The following TBL1X variants were observed in gnomAD, a reference collection of about 807,000 sequenced individuals.
TBL1X encodes the protein transducin beta like 1 X-linked.
Under a neutral mutation model 50.7 loss-of-function variants are expected in TBL1X, and 10 were observed. That is an observed-to-expected ratio of 0.20 (90% confidence interval 0.12 to 0.33). TBL1X has a LOEUF of 0.33. TBL1X is among the 10% of genes least tolerant of loss of function. The pLI, the probability that TBL1X is intolerant of heterozygous loss-of-function variation, is 1.00. For synonymous variants in TBL1X, 190 were observed against 214.7 expected, an observed-to-expected ratio of 0.88 and a Z score of 1.01; for missense variants, 340 against 504.4, an observed-to-expected ratio of 0.67 and a Z score of 3.12.
chrX:9,621,666 C>T lies in TBL1X; in HGVS notation c.-130-18607C>T, dbSNP rs1311267918. Among the ~76,000 whole-genome samples the T allele has an allele frequency of 5.3e-5, 6 of 112,177 alleles. No individual in the cohort carries two copies. The South Asian group carries it at 1.1e-3, about 21-fold the overall frequency. ...CAACCACAAGCACAGTCCTGAACAT[C>T]GTATAACAGCATCATTTGTTAATTT... On this transcript the variant is annotated intron_variant, in intron 2 of 17. Transcript: ENST00000645353.
intron 2 of TBL1X, chrX:9,636,738 C>A (rs766506325): frequency 4.8e-4 from 54 of 112,518 alleles, no homozygotes; most frequent in African/African-American, 1.7e-3. Context: ...AAAGAAGAGT[C>A]TCTCAGTGCT....
intron 2 of TBL1X, among the ~76,000 whole-genome samples, chrX:9,513,427 A>G (rs999327027): frequency 1.8e-5 from 2 of 111,552 alleles, no homozygotes; most frequent in African/African-American, 6.5e-5. Flanking sequence ...TTTCTGCCTT[A>G]GTTACCTCTT....
At chrX:9,709,499 C>T (rs1258892913) in intron 14 of TBL1X, 134 bp from the exon 15 acceptor site, 1 of 1,031,786 alleles carries the variant, frequency 9.7e-7, no homozygotes, top group African/African-American at 1.9e-5. Context: ...CGCAGCCTCC[C>T]TGCAGCCTTT....
intron 3 of TBL1X, chrX:9,645,435 C>T (rs2082798960): frequency 8.9e-6 from 1 of 112,027 alleles, no homozygotes; most frequent in South Asian, 3.7e-4. Context: ...GAAAGATACA[C>T]ATGCAATTGG....
In TBL1X at chrX:9,527,102, C is replaced by CAA. The variant is rs1453438472; in HGVS notation, c.-131+25255_-131+25256dup. 2.7e-5 allele frequency among the ~76,000 whole-genome samples: 3 copies of CAA among 112,258 alleles called. No homozygotes were observed. The East Asian group carries it at 8.4e-4, about 32-fold the overall frequency. On this transcript the variant is annotated intron_variant, in intron 2 of 17. Transcript: ENST00000645353. Reference sequence around the variant, plus strand: ...GAGGATCGCCGTGGATCACACAGGACAAAGGAGGTCCTGACCTGTCCACCC... The same window carrying CAA: ...GAGGATCGCCGTGGATCACACAGGACAAAAAGGAGGTCCTGACCTGTCCACCC...
At chrX:9,501,917 C>T (rs1388264241) in intron 2 of TBL1X, 68 bp downstream of exon 2, 2 of 111,067 alleles carry the variant, frequency 1.8e-5, no homozygotes, top group African/African-American at 6.6e-5. Context: ...TTCCTCCCCT[C>T]CGCCCTCCGC....
At chrX:9,581,542 G>T (rs1250769049) in intron 2 of TBL1X, among the ~76,000 whole-genome samples, 1 of 111,913 alleles carries the variant, frequency 8.9e-6, no homozygotes, top group African/African-American at 3.3e-5. Flanking sequence ...CTCAGTAGCT[G>T]TGTGGGGGAT....
At chrX:9,687,838 C>T (rs904134548) in intron 6 of TBL1X, among the ~76,000 whole-genome samples, 179 bp from the exon 7 acceptor site, 1 of 111,034 alleles carries the variant, frequency 9.0e-6, no homozygotes, top group Non-Finnish European at 1.9e-5. Flanking sequence ...CCCTGCCCAC[C>T]GTGGGATCCC....
chrX:9,465,970 A>G (rs1460006471), intron 1 of TBL1X, among the ~76,000 whole-genome samples: 1 of 112,892 alleles, frequency 8.9e-6, no homozygotes, highest in Non-Finnish European at 1.9e-5. Context: ...GGAGTGGGGC[A>G]AGCGGCGGGC....
chrX:9,546,289 G>A (rs912650808), intron 2 of TBL1X, among the ~76,000 whole-genome samples: 15 of 111,886 alleles, frequency 1.3e-4, no homozygotes, highest in African/African-American at 3.2e-4. Flanking sequence ...CGAGGCGGGC[G>A]GATCACAAGG....
chrX:9,678,928 C>A (rs1388871390), intron 5 of TBL1X, among the ~76,000 whole-genome samples: 1 of 111,513 alleles, frequency 9.0e-6, no homozygotes, highest in Non-Finnish European at 1.9e-5. Flanking sequence ...GAGACTATTA[C>A]ACGTTTTATT....
At chrX:9,541,526 A>G (rs2082214668) in intron 2 of TBL1X, among the ~76,000 whole-genome samples, 2 of 112,537 alleles carry the variant, frequency 1.8e-5, no homozygotes, top group Admixed American at 9.4e-5. Flanking sequence ...GAGATGAGAA[A>G]CAAAAAACAG....
At chrX:9,584,008 T>C (rs2082455451) in intron 2 of TBL1X, among the ~76,000 whole-genome samples, 1 of 112,319 alleles carries the variant, frequency 8.9e-6, no homozygotes, top group African/African-American at 3.2e-5. Context: ...TCAATCTCCC[T>C]CATGACATGG....
At chrX:9,602,429 T>C (rs2146549673) in intron 2 of TBL1X, among the ~76,000 whole-genome samples, 1 of 110,613 alleles carries the variant, frequency 9.0e-6, no homozygotes, top group East Asian at 2.8e-4. Context: ...TTCTTGACCA[T>C]GCTGAGTAAT....
chrX:9,650,369 G>T (rs2082827016), intron 3 of TBL1X, among the ~76,000 whole-genome samples: 1 of 111,599 alleles, frequency 9.0e-6, no homozygotes, highest in Non-Finnish European at 1.9e-5. Flanking sequence ...CAGAGTAAAA[G>T]AGGAAAGGAG....
At chrX:9,618,809 T>C (rs968242364) in intron 2 of TBL1X, among the ~76,000 whole-genome samples, 3 of 112,869 alleles carry the variant, frequency 2.7e-5, no homozygotes, top group Non-Finnish European at 5.6e-5. Context: ...AATGAATTTT[T>C]ATTAGCTAGT....
intron 1 of TBL1X, among the ~76,000 whole-genome samples, chrX:9,475,886 A>G (rs967072437): frequency 8.9e-6 from 1 of 111,915 alleles, no homozygotes; most frequent in Non-Finnish European, 1.9e-5. Flanking sequence ...TGAATTCGCA[A>G]CATAACTTTG....
At chrX:9,568,150 G>C (rs766446315) in intron 2 of TBL1X, among the ~76,000 whole-genome samples, 18 of 112,200 alleles carry the variant, frequency 1.6e-4, no homozygotes, top group Non-Finnish European at 3.2e-4. Context: ...TCCCCTGGGA[G>C]TCTTGAGAAC....
intron 5 of TBL1X, among the ~76,000 whole-genome samples, chrX:9,677,726 T>C (rs2083002916): frequency 8.9e-6 from 1 of 111,875 alleles, no homozygotes; most frequent in South Asian, 3.8e-4. Flanking sequence ...GGGAACTGAG[T>C]AATAAATTCT....
Sources: allele counts gnomAD v4.1 joint callset (sites outside exome capture counted in the v4.1 genomes callset), GRCh38; gene constraint gnomAD v4.1.1; transcripts MANE v1.5; gene names NCBI Gene and HGNC (gene_info 2026-07-23, HGNC 2026-07-21).